Variants in ZMYND8 observed in about 807,000 individuals in gnomAD.
ZMYND8 encodes the protein zinc finger MYND-type containing 8.
ZMYND8 carries 37 observed loss-of-function variants against 140.8 expected under a neutral mutation model. The observed-to-expected ratio is 0.26, with a 90% CI of 0.20 to 0.35. ZMYND8 has a LOEUF of 0.35. Among genes scored for constraint, ZMYND8 ranks in the 10% least tolerant of loss-of-function variants. The pLI is 1.00. For missense variants in ZMYND8, 1,068 were observed against 1,570.0 expected (o/e 0.68, Z 5.40); for synonymous variants, 592 against 597.1 (o/e 0.99, Z 0.12).
rs2077769637 is a variant in ZMYND8, at chr20:47,298,211, T to C, written c.453+518A>G. ...AAAAAAAAATGATCCATGCCTGTTT[T>C]TGTGCACTGTCGAATTCCCAGCACC... On this transcript the variant is annotated intron_variant, in intron 4 of 22. Transcript: ENST00000471951. The surrounding 1 kb of genome is among the most constrained non-coding windows in gnomAD (Gnocchi z 5.0). 2 of 948,798 alleles carry C rather than the reference T, an allele frequency of 2.1e-6. No individual in the cohort carries two copies. The highest frequency in any genetic ancestry group is 9.7e-5 in the South Asian group (2 of 20,540). The allele number at this position is 948,798 out of a possible 1,614,324, so 58.8% of individuals were successfully genotyped here. A position where few individuals can be genotyped will look rare whatever the true frequency, so the allele number is the denominator to read the frequency against.
In ZMYND8 at chr20:47,299,107, T is replaced by G. The variant is rs564547616; in HGVS notation, c.235-160A>C. Among the ~76,000 whole-genome samples the G allele has an allele frequency of 1.4e-4, 22 of 152,322 alleles. No homozygotes were observed. The South Asian group carries it at 4.3e-3, about 30-fold the overall frequency. On this transcript the variant is annotated intron_variant, in intron 3 of 22. Coordinates refer to ENST00000471951, the MANE Select transcript of ZMYND8 (RefSeq NM_001281775.3). The stretch of plus-strand genomic sequence containing the variant: ...TAGGTTACTCTACTAAATATATAAT[T>G]AGCAAGTTGTTAAAATTATGAGGAT...
chr20:47,273,965 C>T (rs1389771580), intron 11 of ZMYND8, among the ~76,000 whole-genome samples: 1 of 152,112 alleles, frequency 6.6e-6, no homozygotes. Flanking sequence ...AGTAAAATGA[C>T]CTAAGCACAT....
chr20:47,300,034 G>A (rs2077908356), intron 3 of ZMYND8, among the ~76,000 whole-genome samples: 1 of 152,192 alleles, frequency 6.6e-6, no homozygotes, highest in Middle Eastern at 3.2e-3. Flanking sequence ...AGAAAGATGA[G>A]ATGGGTGGCC....
intron 19 of ZMYND8, among the ~76,000 whole-genome samples, chr20:47,222,638 T>C (rs930155880): frequency 6.6e-6 from 1 of 152,074 alleles, no homozygotes; most frequent in African/African-American, 2.4e-5. Flanking sequence ...ATTTTGGCCA[T>C]CTTGGCAAAA....
rs2080121129 is a variant in ZMYND8 at position 47,323,247 on chromosome 20, T to C, written c.86-13043A>G. ...TTTCAAACTCATTTCCCCCAACTTTTCTCTTTTTTGGGGGAGACAGGGACT... is the reference window on the plus strand; with the variant it reads ...TTTCAAACTCATTTCCCCCAACTTTCCTCTTTTTTGGGGGAGACAGGGACT... On this transcript the variant is annotated intron_variant, in intron 2 of 22. Transcript: ENST00000471951. 2.6e-5 allele frequency among the ~76,000 whole-genome samples: 4 copies of C among 151,814 alleles called. No individual in the cohort carries two copies. The South Asian group carries it at 8.4e-4, about 32-fold the overall frequency.
intron 11 of ZMYND8, among the ~76,000 whole-genome samples, chr20:47,271,074 C>T (rs1400495141): frequency 6.6e-6 from 1 of 151,372 alleles, no homozygotes; most frequent in South Asian, 2.1e-4. Flanking sequence ...GAGACTCCGT[C>T]TAAAAAGAAA....
At chr20:47,328,276 T>C (rs1296482888) in intron 2 of ZMYND8, among the ~76,000 whole-genome samples, 1 of 152,164 alleles carries the variant, frequency 6.6e-6, no homozygotes, top group Non-Finnish European at 1.5e-5. Flanking sequence ...CATAAGTTTT[T>C]TGACATTTTT....
At chr20:47,303,873 C>G (rs750300195) in intron 3 of ZMYND8, among the ~76,000 whole-genome samples, 2 of 152,224 alleles carry the variant, frequency 1.3e-5, no homozygotes, top group Non-Finnish European at 1.5e-5. Flanking sequence ...CTAGGAGGAT[C>G]CCGAGGACTG....
At chr20:47,277,296 C>A (rs1453543412) in intron 10 of ZMYND8, among the ~76,000 whole-genome samples, 2 of 152,266 alleles carry the variant, frequency 1.3e-5, no homozygotes, top group African/African-American at 2.4e-5. Flanking sequence ...GGAGCCCATT[C>A]GCCTCCAGGC....
chr20:47,248,866 A>G (rs2073939834), intron 13 of ZMYND8, among the ~76,000 whole-genome samples: 1 of 152,238 alleles, frequency 6.6e-6, no homozygotes, highest in African/African-American at 2.4e-5. Flanking sequence ...CAACAGCTAC[A>G]GAAGCAGGGT....
rs2147151915 is a variant in ZMYND8, at chr20:47,236,483, G to C, written c.2699C>G (p.Ser900Cys). Residue 900 changes from serine (S) to cysteine (C), a missense_variant, in exon 16 of 23, where the codon TCC becomes TGC. Physicochemically the swap from Ser to Cys is moderately radical, Grantham distance 112. Coordinates refer to ENST00000471951, the MANE Select transcript of ZMYND8 (RefSeq NM_001281775.3). ...VQQKEITQSP[S>C]TSTITLVTST... ...GGTCACCAGGGTGATGGTGGACGTG[G>C]ATGGGCTCTGTGTGATCTCCTTCTG... 1 of 1,603,370 alleles carries C rather than the reference G, an allele frequency of 6.2e-7. No homozygotes were observed. The highest frequency in any genetic ancestry group is 8.5e-7 in the Non-Finnish European group (1 of 1,174,366).
At chr20:47,318,530 G>A in intron 2 of ZMYND8, 4 of 360,050 alleles carry the variant, frequency 1.1e-5, no homozygotes, top group Non-Finnish European at 1.6e-5. Context: ...AGGAGCAAAG[G>A]TTGGGGGTGG....
At chr20:47,326,685 T>C (rs1043427722) in intron 2 of ZMYND8, among the ~76,000 whole-genome samples, 1 of 152,172 alleles carries the variant, frequency 6.6e-6, no homozygotes, top group Non-Finnish European at 1.5e-5. Context: ...ATACAGGTAC[T>C]GATCTATGTG....
At chr20:47,317,422 C>T (rs1048197610) in intron 2 of ZMYND8, among the ~76,000 whole-genome samples, 4 of 151,886 alleles carry the variant, frequency 2.6e-5, no homozygotes, top group Non-Finnish European at 5.9e-5. Flanking sequence ...CCCCCACATC[C>T]GGTGCCTGAG....
intron 2 of ZMYND8, among the ~76,000 whole-genome samples, chr20:47,333,522 T>C (rs756112643): frequency 2.7e-4 from 41 of 151,854 alleles, no homozygotes; most frequent in Non-Finnish European, 8.8e-5. Flanking sequence ...CATCAAGAGA[T>C]TGAGACCATC....
Position 47,271,535 on chromosome 20 carries a change from C to T in ZMYND8, c.1480+4779G>A, listed in dbSNP as rs529581575. Among the ~76,000 whole-genome samples the T allele has an allele frequency of 2.4e-4, 36 of 152,360 alleles. No individual in the cohort carries two copies. The South Asian group carries it at 5.0e-3, about 21-fold the overall frequency. ...CATTCATCCCAGTCTCTACCTACCA[C>T]TCCCCAACCTCACTCACTGCCATAT... On this transcript the variant is annotated intron_variant, in intron 11 of 22. Coordinates refer to ENST00000471951, the MANE Select transcript of ZMYND8 (RefSeq NM_001281775.3).
chr20:47,299,044 A>C, intron 3 of ZMYND8, 97 bp from the exon 4 acceptor site: 1 of 1,137,938 alleles, frequency 8.8e-7, no homozygotes, highest in Non-Finnish European at 1.3e-6. Context: ...AAAGAAAATA[A>C]CAGCATTTCA....
At chr20:47,350,520 T>C (rs772365171) in intron 1 of ZMYND8, among the ~76,000 whole-genome samples, 1 of 151,006 alleles carries the variant, frequency 6.6e-6, no homozygotes, top group African/African-American at 2.4e-5. Flanking sequence ...GAAAAAAAAA[T>C]GAATATTACA....
chr20:47,298,015 T>C lies in ZMYND8; in HGVS notation c.453+714A>G, dbSNP rs983127067. On this transcript the variant is annotated intron_variant, in intron 4 of 22. Transcript: ENST00000471951. The surrounding 1 kb of genome is among the most constrained non-coding windows in gnomAD (Gnocchi z 5.0). Reference sequence around the variant, plus strand: ...GCTCACTCCTCTCTTTCATCAAGTCTTTCTCAAATTTTAGTGAGGCTTTCC... The same window carrying C: ...GCTCACTCCTCTCTTTCATCAAGTCCTTCTCAAATTTTAGTGAGGCTTTCC... 6.6e-6 allele frequency among the ~76,000 whole-genome samples: 1 copy of C among 152,188 alleles called. No individual in the cohort carries two copies. Among genetic ancestry groups the C allele is most frequent in the Non-Finnish European group, 1.5e-5 (1 of 68,044 alleles).
Sources: allele counts gnomAD v4.1 joint callset (sites outside exome capture counted in the v4.1 genomes callset), GRCh38; gene constraint gnomAD v4.1.1; non-coding constraint Gnocchi (gnomAD v3.1); transcripts MANE v1.5; gene names NCBI Gene and HGNC (gene_info 2026-07-23, HGNC 2026-07-21).